TANC2: variants seen among roughly 807,000 people sequenced by gnomAD.
TANC2 encodes the protein tetratricopeptide repeat, ankyrin repeat and coiled-coil containing 2, also known as protein TANC2.
A neutral mutation model predicts 210.5 loss-of-function variants in TANC2; 26 were observed. That is an observed-to-expected ratio of 0.12 (90% confidence interval 0.09 to 0.17). The LOEUF (loss-of-function observed/expected upper bound fraction) is 0.17. Among genes scored for constraint, TANC2 ranks in the 10% least tolerant of loss-of-function variants. The probability of loss-of-function intolerance (pLI) is 1.00; values close to 1 mark genes in which losing one functional copy is unlikely to be tolerated. For missense variants in TANC2, 2,129 were observed against 2,608.9 expected, an observed-to-expected ratio of 0.82 and a Z score of 4.01; for synonymous variants, 931 against 967.1, an observed-to-expected ratio of 0.96 and a Z score of 0.69.
intron 4 of TANC2, among the ~76,000 whole-genome samples, chr17:63,140,778 C>T (rs571826608): frequency 2.6e-5 from 4 of 152,126 alleles, no homozygotes; most frequent in East Asian, 1.9e-4. Flanking sequence ...GACAGAGTGT[C>T]GCTTTGTTGC....
intron 2 of TANC2, among the ~76,000 whole-genome samples, chr17:63,022,240 G>T (rs2034380184): frequency 2.0e-5 from 3 of 151,708 alleles, no homozygotes; most frequent in African/African-American, 7.3e-5. Context: ...TACTTGGGAG[G>T]CTGAGGCAGA....
intron 19 of TANC2, among the ~76,000 whole-genome samples, chr17:63,404,552 T>C (rs2048440928): frequency 1.3e-5 from 2 of 152,146 alleles, no homozygotes. Flanking sequence ...AATCCTTATA[T>C]AAAAAATGAT....
At chr17:63,038,076 G>A (rs2035044484) in intron 2 of TANC2, among the ~76,000 whole-genome samples, 2 of 152,086 alleles carry the variant, frequency 1.3e-5, no homozygotes, top group South Asian at 4.2e-4. Context: ...AGAGTCGGGG[G>A]AGTGGTATTC....
intron 5 of TANC2, among the ~76,000 whole-genome samples, chr17:63,173,437 CCT>C (rs535334686): frequency 8.2e-4 from 125 of 152,250 alleles, no homozygotes; most frequent in African/African-American, 2.7e-3. Context: ...TAACTGATGA[CCT>C]CTCTAATTTT....
At chr17:63,205,833 G>A (rs1326735100) in intron 7 of TANC2, among the ~76,000 whole-genome samples, 4 of 151,968 alleles carry the variant, frequency 2.6e-5, no homozygotes, top group South Asian at 2.1e-4. Flanking sequence ...ACTTGAAGCC[G>A]GGAAGCAGAG....
At chr17:63,215,769 A>C (rs1334399983) in intron 7 of TANC2, among the ~76,000 whole-genome samples, 2 of 149,970 alleles carry the variant, frequency 1.3e-5, no homozygotes, top group Non-Finnish European at 3.0e-5. Flanking sequence ...TTTTTTTCTG[A>C]GACGGAGTCT....
chr17:63,368,507 T>G (rs1406693341), intron 14 of TANC2, among the ~76,000 whole-genome samples: 1 of 152,072 alleles, frequency 6.6e-6, no homozygotes, highest in African/African-American at 2.4e-5. Flanking sequence ...TGAAACAGAA[T>G]AGTTATATTT....
intron 3 of TANC2, among the ~76,000 whole-genome samples, chr17:63,087,834 G>C (rs1398341340): frequency 1.3e-5 from 2 of 152,138 alleles, no homozygotes. Flanking sequence ...GTGCGTTTCT[G>C]CATTCTCTAT....
chr17:63,361,381 T>C (rs919412737), intron 14 of TANC2, among the ~76,000 whole-genome samples: 5 of 152,172 alleles, frequency 3.3e-5, no homozygotes, highest in African/African-American at 1.2e-4. Context: ...CAGTGAGCAG[T>C]GTGTGGACAA....
chr17:63,152,424 T>A (rs1289589768), intron 5 of TANC2: 1 of 151,976 alleles, frequency 6.6e-6, no homozygotes, highest in Non-Finnish European at 1.5e-5. Flanking sequence ...ATTTTATGAG[T>A]CAATTTTGAA....
At chr17:63,001,118 G>GT (rs1191276068) in intron 1 of TANC2, among the ~76,000 whole-genome samples, 1 of 152,006 alleles carries the variant, frequency 6.6e-6, no homozygotes, top group East Asian at 1.9e-4. Context: ...ATAAGTTGCT[G>GT]TTTTTATGAT....
At chr17:63,175,849 A>G (rs950542143) in intron 5 of TANC2, among the ~76,000 whole-genome samples, 1 of 152,214 alleles carries the variant, frequency 6.6e-6, no homozygotes, top group Non-Finnish European at 1.5e-5. Flanking sequence ...GGCTTGAAAC[A>G]ACCACCATTT....
At chr17:63,276,858 C>G (rs2043891917) in intron 9 of TANC2, among the ~76,000 whole-genome samples, 1 of 152,134 alleles carries the variant, frequency 6.6e-6, no homozygotes, top group Non-Finnish European at 1.5e-5. Flanking sequence ...TTAATCCTCA[C>G]AACTCTTTAA....
At chr17:63,222,867 A>C (rs1010201838) in intron 7 of TANC2, among the ~76,000 whole-genome samples, 1 of 152,192 alleles carries the variant, frequency 6.6e-6, no homozygotes, top group African/African-American at 2.4e-5. Flanking sequence ...CAGTAGCCAA[A>C]AGGTGGCAAC....
chr17:62,975,917 C>T (rs2031976543), intron 1 of TANC2, among the ~76,000 whole-genome samples: 1 of 152,042 alleles, frequency 6.6e-6, no homozygotes, highest in African/African-American at 2.4e-5. Flanking sequence ...TATGCCAGCT[C>T]CTCCCAATTT....
intron 2 of TANC2, among the ~76,000 whole-genome samples, chr17:63,068,012 T>C (rs928179758): frequency 4.6e-5 from 7 of 152,198 alleles, no homozygotes; most frequent in African/African-American, 1.4e-4. Flanking sequence ...ACTCTATCAC[T>C]ATGTGATCAA....
chr17:63,303,685 T>C (rs979421827), intron 9 of TANC2, among the ~76,000 whole-genome samples: 4 of 152,278 alleles, frequency 2.6e-5, no homozygotes, highest in African/African-American at 9.6e-5. Context: ...TATCCTGAAG[T>C]GTGTTTTCCA....
At chr17:63,330,136 C>T (rs1459334706) in intron 11 of TANC2, among the ~76,000 whole-genome samples, 1 of 152,154 alleles carries the variant, frequency 6.6e-6, no homozygotes, top group Admixed American at 6.5e-5. Flanking sequence ...TTTCTATAAG[C>T]CAAAGCCTAA....
At chr17:63,297,443 G>T (rs1320561498) in intron 9 of TANC2, among the ~76,000 whole-genome samples, 2 of 152,022 alleles carry the variant, frequency 1.3e-5, no homozygotes, top group African/African-American at 4.8e-5. Flanking sequence ...TTTCAACAAG[G>T]GTGCTAAGTC....
Sources: gnomAD v4.1 joint callset for allele counts (sites outside exome capture counted in the v4.1 genomes callset) on GRCh38, gnomAD v4.1.1 for gene constraint, MANE v1.5 for transcripts, NCBI Gene and HGNC (gene_info 2026-07-23, HGNC 2026-07-21) for gene names.